Variants in ASTN1 observed in about 807,000 individuals in gnomAD.
The protein encoded by ASTN1 is astrotactin-1.
In ASTN1, 41 loss-of-function variants were observed where a neutral mutation model predicts 140.7. The ratio of observed to expected loss-of-function variants is 0.29; its 90% CI spans 0.23 to 0.38. ASTN1 has a LOEUF of 0.38. ASTN1 is among the 10% of genes least tolerant of loss of function. The probability of loss-of-function intolerance (pLI) is 1.00; values close to 1 mark genes in which losing one functional copy is unlikely to be tolerated. For missense variants in ASTN1, 1,479 were observed against 1,678.8 expected (o/e 0.88, Z 2.08); for synonymous variants, 640 against 652.2 (o/e 0.98, Z 0.29).
intron 2 of ASTN1, among the ~76,000 whole-genome samples, chr1:177,052,912 T>C (rs940330276): frequency 6.6e-6 from 1 of 152,228 alleles, no homozygotes; most frequent in Non-Finnish European, 1.5e-5. Context: ...TTGCCTTAAA[T>C]CCTGGCTTCC....
intron 18 of ASTN1, among the ~76,000 whole-genome samples, chr1:176,886,546 AAGCCAAAGGCTAGTGTATCTAC>A (rs1310579030): frequency 6.6e-6 from 1 of 152,208 alleles, no homozygotes; most frequent in African/African-American, 2.4e-5. Flanking sequence ...GAAGAACAGG[AAGCCAAAGGCTAGTGTATCTAC>A]AGCCAAAGGC....
intron 2 of ASTN1, among the ~76,000 whole-genome samples, chr1:177,045,822 T>C (rs1248485579): frequency 6.6e-6 from 1 of 152,090 alleles, no homozygotes; most frequent in Admixed American, 6.6e-5. Flanking sequence ...AGGAATAGAG[T>C]ATCATCACCA....
intron 8 of ASTN1, among the ~76,000 whole-genome samples, chr1:176,983,666 T>C (rs980203933): frequency 5.3e-5 from 8 of 152,188 alleles, no homozygotes; most frequent in Admixed American, 5.2e-4. Flanking sequence ...TGTTCTGATT[T>C]GGGGTGTGAG....
chr1:176,928,809 A>G (rs1276842142), intron 16 of ASTN1, among the ~76,000 whole-genome samples: 1 of 152,224 alleles, frequency 6.6e-6, no homozygotes, highest in Non-Finnish European at 1.5e-5. Context: ...AGCAAGAAAC[A>G]TAAATCATAG....
At chr1:177,147,718 G>A (rs1188837644) in intron 1 of ASTN1, among the ~76,000 whole-genome samples, 1 of 152,164 alleles carries the variant, frequency 6.6e-6, no homozygotes, top group South Asian at 2.1e-4. Context: ...TCAGCTCCAG[G>A]AATGGACTCT....
chr1:177,081,610 T>C (rs1679182851), intron 1 of ASTN1, among the ~76,000 whole-genome samples: 1 of 152,146 alleles, frequency 6.6e-6, no homozygotes, highest in African/African-American at 2.4e-5. Context: ...GAAGACACCC[T>C]GGCCACATCT....
Position 177,092,175 on chromosome 1 carries a change from A to AT in ASTN1, c.284-30911dup, listed in dbSNP as rs555073435. 8.5e-5 allele frequency among the ~76,000 whole-genome samples: 13 copies of AT among 152,158 alleles called. No homozygotes were observed. In the South Asian group the frequency reaches 2.7e-3, roughly 32 times the overall value. ...CTCCACCACATTTATTATTGTTCCC[A>AT]TTTTTGACTGCACTCACCCTAGAGG... On this transcript the variant is annotated intron_variant, in intron 1 of 22. Transcript: ENST00000361833.
At chr1:177,100,890 G>A (rs1680268513) in intron 1 of ASTN1, among the ~76,000 whole-genome samples, 1 of 152,042 alleles carries the variant, frequency 6.6e-6, no homozygotes, top group African/African-American at 2.4e-5. Flanking sequence ...GTCAGGAATT[G>A]TAGACCAGCC....
downstream of ASTN1, chr1:176,857,701 A>G (rs1202491209): frequency 9.7e-6 from 5 of 517,448 alleles, no homozygotes; most frequent in South Asian, 1.3e-4. Flanking sequence ...AAGAGTCAGC[A>G]CTATGTGATA....
At chr1:177,149,023 GATATATATATATATAGTAA>G (rs895609869) in intron 1 of ASTN1, among the ~76,000 whole-genome samples, 2 of 130,758 alleles carry the variant, frequency 1.5e-5, no homozygotes, top group Non-Finnish European at 3.2e-5. Flanking sequence ...AGAGGAAGGA[GATATATATATATATAGTAA>G]ATATATATAT....
intron 1 of ASTN1, among the ~76,000 whole-genome samples, chr1:177,078,292 T>A (rs992813191): frequency 6.6e-6 from 1 of 152,138 alleles, no homozygotes; most frequent in Admixed American, 6.5e-5. Flanking sequence ...TGTGCCTTCA[T>A]CCCTGTGGGG....
intron 17 of ASTN1, among the ~76,000 whole-genome samples, chr1:176,889,899 C>T (rs962733835): frequency 2.0e-5 from 3 of 152,180 alleles, no homozygotes; most frequent in African/African-American, 7.2e-5. Flanking sequence ...AAGCCTGGTG[C>T]ATAAGTGCCC....
chr1:176,916,363 C>T (rs1014080504), intron 16 of ASTN1, among the ~76,000 whole-genome samples: 1 of 152,184 alleles, frequency 6.6e-6, no homozygotes, highest in African/African-American at 2.4e-5. Flanking sequence ...CATCCCCAGA[C>T]ATGTCAGCAT....
At chr1:176,997,298 T>C (rs1427124467) in intron 8 of ASTN1, among the ~76,000 whole-genome samples, 1 of 152,144 alleles carries the variant, frequency 6.6e-6, no homozygotes, top group Non-Finnish European at 1.5e-5. Flanking sequence ...TTATGTAATT[T>C]GTTCCCAGCA....
At chr1:176,999,325 G>A (rs555316978) in intron 8 of ASTN1, among the ~76,000 whole-genome samples, 1 of 152,316 alleles carries the variant, frequency 6.6e-6, no homozygotes, top group African/African-American at 2.4e-5. Context: ...TAGGGCCATG[G>A]CCATTTATGG....
At chr1:176,912,167 G>C (rs776305407) in intron 16 of ASTN1, among the ~76,000 whole-genome samples, 2 of 152,190 alleles carry the variant, frequency 1.3e-5, no homozygotes, top group Non-Finnish European at 2.9e-5. Context: ...AAGGATACAG[G>C]CATCTTTAAT....
At position 176,922,907 on chromosome 1, in the gene ASTN1, T is replaced by C. The variant is rs150515133; in HGVS notation, c.2671+11245A>G. 4.4e-3 allele frequency among the ~76,000 whole-genome samples: 665 copies of C among 152,256 alleles called. 6 individuals carry two copies. Among genetic ancestry groups the C allele is most frequent in the African/African-American group, 0.015 (633 of 41,532 alleles). On this transcript the variant is annotated intron_variant, in intron 16 of 22. Coordinates refer to ENST00000361833, the MANE Select transcript of ASTN1 (RefSeq NM_004319.3). ...AATAATGCTAATAATAATAGTAATG[T>C]AGTAATAATAATATGAGTCCCAATG...
chr1:176,885,993 A>G (rs1669017964), intron 18 of ASTN1, among the ~76,000 whole-genome samples: 1 of 152,024 alleles, frequency 6.6e-6, no homozygotes, highest in East Asian at 1.9e-4. Flanking sequence ...CTGTGCAGAT[A>G]TTGACAAATT....
chr1:176,951,572 C>T (rs1267281662), intron 11 of ASTN1, among the ~76,000 whole-genome samples: 1 of 152,226 alleles, frequency 6.6e-6, no homozygotes, highest in Non-Finnish European at 1.5e-5. Flanking sequence ...CCAGTAGTTT[C>T]CATCTTTCCA....
Sources: gnomAD v4.1 joint callset for allele counts (sites outside exome capture counted in the v4.1 genomes callset) on GRCh38, gnomAD v4.1.1 for gene constraint, MANE v1.5 for transcripts, NCBI Gene and HGNC (gene_info 2026-07-23, HGNC 2026-07-21) for gene names.